Variants in DDX39B observed in about 807,000 individuals in gnomAD.
The protein encoded by DDX39B is spliceosome RNA helicase DDX39B.
In DDX39B, 6 loss-of-function variants were observed where a neutral mutation model predicts 46.4. The ratio of observed to expected loss-of-function variants is 0.13; its 90% CI spans 0.07 to 0.26. The LOEUF (loss-of-function observed/expected upper bound fraction) is 0.26. Ranked by LOEUF, DDX39B falls within the 10% of genes least tolerant of loss-of-function variation. The pLI is 1.00. For missense variants in DDX39B, 185 were observed against 553.4 expected (o/e 0.33, Z 6.68); for synonymous variants, 174 against 199.4 (o/e 0.87, Z 1.07).
intron 2 of DDX39B, 83 bp from the exon 3 acceptor site, chr6:31,539,357 T>C: frequency 1.3e-6 from 2 of 1,549,604 alleles, no homozygotes; most frequent in Non-Finnish European, 1.7e-6. Flanking sequence ...AGCCCATTTC[T>C]TACCACTCAA....
chr6:31,531,313 C>G lies in DDX39B; in HGVS notation c.960G>C (p.Gly320=). ...QNFPAIAIHR[G]MPQEERLSRY... ...CAGCTCACCTCTCCTCCTGGGGCAT[C>G]CCACGGTGGATGGCAATGGCTGGGA... The change falls in exon 8 of 11, where the codon GGG becomes GGC. Residue 320 remains glycine (G), a synonymous_variant. Coordinates refer to ENST00000396172, the MANE Select transcript of DDX39B (RefSeq NM_004640.7). This position sits in a 1 kb window ranked among gnomAD's most constrained non-coding sequence, Gnocchi z 5.8. 1 of 1,614,172 alleles carries G rather than the reference C, an allele frequency of 6.2e-7. No homozygotes were observed. The highest frequency in any genetic ancestry group is 1.1e-5 in the South Asian group (1 of 91,086).
Position 31,539,120 on chromosome 6 carries a change from CCTCCCCAGCACT to C in DDX39B, c.339+15_339+26del. On this transcript the variant is annotated intron_variant, in intron 3 of 10. Coordinates refer to ENST00000396172, the MANE Select transcript of DDX39B (RefSeq NM_004640.7). ...TCCCTTATAGTCCTAACCAAAATCC[CCTCCCCAGCACT>C]CTCCCCAAATATACCTGCCCAGTAA... 9 of 1,613,214 alleles carry C rather than the reference CCTCCCCAGCACT, an allele frequency of 5.6e-6. No individual in the cohort carries two copies. The highest frequency in any genetic ancestry group is 7.6e-6 in the Non-Finnish European group (9 of 1,179,976).
At position 31,536,615 on chromosome 6, in the gene DDX39B, A is replaced by G. The variant is rs1301259457; in HGVS notation, c.501T>C (p.His167=). The G allele has an allele frequency of 6.2e-7, 1 of 1,613,268 alleles. No individual in the cohort carries two copies. The highest frequency in any genetic ancestry group is 8.5e-7 in the Non-Finnish European group (1 of 1,180,030). The change falls in exon 5 of 11, where the codon CAT becomes CAC. Residue 167 remains histidine, a synonymous_variant. Coordinates refer to ENST00000396172, the MANE Select transcript of DDX39B (RefSeq NM_004640.7). ...TACGGCCTGGAGTCCCCACGACGAT[A>G]TGCGGGCAGTTCTTCTTCAGCACCT... ...DEEVLKKNCP[H]IVVGTPGRIL...
At position 31,530,784 on chromosome 6, in the gene DDX39B, G is replaced by A. The variant is rs749151547; in HGVS notation, c.1265C>T (p.Ser422Phe). The change falls in exon 10 of 11, where the codon TCC (serine) becomes TTC (phenylalanine). Residue 422 changes from serine to phenylalanine, a missense_variant. Around this residue, in one of 5 missense-constraint regions of DDX39B, gnomAD observed 22 missense variants for 52.3 expected, o/e 0.42. Coordinates refer to ENST00000396172, the MANE Select transcript of DDX39B (RefSeq NM_004640.7). This position sits in a 1 kb window ranked among gnomAD's most constrained non-coding sequence, Gnocchi z 4.5. ...TTCATGAGATCAGTACTCACTGTAG[G>A]AGGAGATGTCTATCTCATCAGGCAG... is the stretch of plus-strand genomic sequence containing the variant. ...SELPDEIDIS[S>F]YIEQTR is the part of the protein sequence containing the mutation. 1 of 1,612,254 alleles carries A rather than the reference G, an allele frequency of 6.2e-7. No individual in the cohort carries two copies. The highest frequency in any genetic ancestry group is 1.1e-5 in the South Asian group (1 of 91,072).
rs1767579621 is a variant in DDX39B, at chr6:31,534,664, A to G, written c.735+703T>C. The G allele has an allele frequency of 2.8e-6, 1 of 363,020 alleles. No homozygotes were observed. Among genetic ancestry groups the G allele is most frequent in the Non-Finnish European group, 5.4e-6 (1 of 185,708 alleles). The allele number at this position is 363,020 out of a possible 1,614,324, so 22.5% of individuals were successfully genotyped here. On this transcript the variant is annotated intron_variant, in intron 6 of 10. Coordinates refer to ENST00000396172, the MANE Select transcript of DDX39B (RefSeq NM_004640.7). This position sits in a 1 kb window ranked among gnomAD's most constrained non-coding sequence, Gnocchi z 5.1. ...GGAAAAAGAGGCTGGTTTGGTCCTC[A>G]GCTTCCTGGTCAGGTTTCCCCGCGG...
chr6:31,541,837 T>G, intron 1 of DDX39B, 113 bp downstream of exon 1: 1 of 645,976 alleles, frequency 1.5e-6, no homozygotes, highest in Non-Finnish European at 2.9e-6. Context: ...GCGAACCAAC[T>G]AGGCCCCAGC....
In DDX39B at chr6:31,530,797, T is replaced by A. The variant is rs1450155021; in HGVS notation, c.1252A>T (p.Ile418Leu). Residue 418 changes from isoleucine (I) to leucine (L), a missense_variant, in exon 10 of 11, where the codon ATA becomes TTA. By Grantham distance (5) the Ile-to-Leu change is conservative. Around this residue, in one of 5 missense-constraint regions of DDX39B, gnomAD observed 22 missense variants for 52.3 expected, o/e 0.42. Transcript: ENST00000396172. The surrounding 1 kb of genome is among the most constrained non-coding windows in gnomAD (Gnocchi z 4.5). Reference protein sequence around the residue: ...EVNISELPDEIDISSYIEQTR With the variant: ...EVNISELPDELDISSYIEQTR ...TACTCACTGTAGGAGGAGATGTCTATCTCATCAGGCAGCTCACTAATATTG... is the reference window on the plus strand; with the variant it reads ...TACTCACTGTAGGAGGAGATGTCTAACTCATCAGGCAGCTCACTAATATTG... The A allele has an allele frequency of 6.2e-7, 1 of 1,612,738 alleles. No individual in the cohort carries two copies. The highest frequency in any genetic ancestry group is 1.3e-5 in the African/African-American group (1 of 74,898).
At position 31,540,394 on chromosome 6, in the gene DDX39B, A is replaced by G; in HGVS notation, c.139T>C (p.Phe47Leu). Residue 47 changes from phenylalanine to leucine, a missense_variant, in exon 2 of 11, where the codon TTT (phenylalanine) becomes CTT (leucine). By Grantham distance (22) the Phe-to-Leu change is conservative. This residue lies in a region of DDX39B where 18 missense variants were observed against 120.1 expected (regional missense o/e 0.15). Coordinates refer to ENST00000396172, the MANE Select transcript of DDX39B (RefSeq NM_004640.7). ...GSYVSIHSSG[F>L]RDFLLKPELL... is the part of the protein sequence containing the mutation. ...TCTGGCTTGAGCAGGAAGTCACGAAAGCCAGAGCTGTGGATGGAGACATAG... is the reference window on the plus strand; with the variant it reads ...TCTGGCTTGAGCAGGAAGTCACGAAGGCCAGAGCTGTGGATGGAGACATAG... The G allele has an allele frequency of 6.2e-7, 1 of 1,614,240 alleles. No homozygotes were observed. The highest frequency in any genetic ancestry group is 8.5e-7 in the Non-Finnish European group (1 of 1,180,044).
In DDX39B at chr6:31,536,518, T is replaced by C. The variant is rs1171131572; in HGVS notation, c.598A>G (p.Lys200Glu). The C allele has an allele frequency of 6.2e-7, 1 of 1,613,292 alleles. No individual in the cohort carries two copies. The highest frequency in any genetic ancestry group is 2.2e-5 in the East Asian group (1 of 44,896). Reference sequence around the variant, plus strand: ...CACTCACCGAGCTGTTCAAGCATCTTATCACATTCATCCAAAATAAAGTGT... The same window carrying C: ...CACTCACCGAGCTGTTCAAGCATCTCATCACATTCATCCAAAATAAAGTGT... ...IKHFILDECDKMLEQLDMRRD... is the reference protein window; with the variant it reads ...IKHFILDECDEMLEQLDMRRD... The change falls in exon 5 of 11, where the codon AAG (lysine) becomes GAG (glutamate). Residue 200 changes from lysine (K) to glutamate (E), a missense_variant. Transcript: ENST00000396172.
rs1172575154 is a variant in DDX39B at position 31,530,383 on chromosome 6, G to A, written c.*51C>T. 4 of 1,610,122 alleles carry A rather than the reference G, an allele frequency of 2.5e-6. No individual in the cohort carries two copies. The highest frequency in any genetic ancestry group is 3.4e-6 in the Non-Finnish European group (4 of 1,178,164). On this transcript the variant is annotated 3_prime_UTR_variant, in exon 11 of 11. Coordinates refer to ENST00000396172, the MANE Select transcript of DDX39B (RefSeq NM_004640.7). The surrounding 1 kb of genome is among the most constrained non-coding windows in gnomAD (Gnocchi z 4.5). ...GTAGTGTCTCCTTCACCCCCACCCT[G>A]GTGTCCTCTCCTGAAGGACAGACGG... is the stretch of plus-strand genomic sequence containing the variant.
chr6:31,539,291 G>A lies in DDX39B; in HGVS notation c.212-17C>T, dbSNP rs1562423040. The A allele has an allele frequency of 3.7e-6, 6 of 1,606,602 alleles. No homozygotes were observed. Among genetic ancestry groups the A allele is most frequent in the East Asian group, 2.2e-5 (1 of 44,692 alleles). On this transcript the variant is annotated splice_polypyrimidine_tract_variant and intron_variant, in intron 2 of 10. Coordinates refer to ENST00000396172, the MANE Select transcript of DDX39B (RefSeq NM_004640.7). Reference sequence around the variant, plus strand: ...CATGCTGGACTAAAAGTTGGGGGGGGAGGAAGATAAATTAGACTTCAGTCT... The same window carrying A: ...CATGCTGGACTAAAAGTTGGGGGGGAAGGAAGATAAATTAGACTTCAGTCT...
intron 1 of DDX39B, chr6:31,541,096 T>C (rs769329226): frequency 1.1e-5 from 6 of 533,458 alleles, no homozygotes; most frequent in Non-Finnish European, 2.3e-5. Context: ...GATGCCTAAC[T>C]CAGCAGCCAT....
rs1045411887 is a variant in DDX39B, at chr6:31,535,982, C to T, written c.617-497G>A. On this transcript the variant is annotated intron_variant, in intron 5 of 10. Coordinates refer to ENST00000396172, the MANE Select transcript of DDX39B (RefSeq NM_004640.7). The surrounding 1 kb of genome is among the most constrained non-coding windows in gnomAD (Gnocchi z 4.6). The stretch of plus-strand genomic sequence containing the variant: ...ATGACTTATGGGGCCTATGTCCAAC[C>T]CCACTCTCATTCACCAAGATTCAAT... Among the ~76,000 whole-genome samples, 1 of 152,104 alleles carries T rather than the reference C, an allele frequency of 6.6e-6. No homozygotes were observed. Among genetic ancestry groups the T allele is most frequent in the African/African-American group, 2.4e-5 (1 of 41,402 alleles).
At chr6:31,540,717 A>C (rs1768316914) in intron 1 of DDX39B, 53 bp from the exon 2 acceptor site, 2 of 576,946 alleles carry the variant, frequency 3.5e-6, no homozygotes, top group Non-Finnish European at 6.1e-6. Flanking sequence ...AGCCTTCACC[A>C]CCTCTTTTCC....
At chr6:31,532,269 C>G (rs1205256164) in intron 7 of DDX39B, 1 of 153,882 alleles carries the variant, frequency 6.5e-6, no homozygotes, top group African/African-American at 2.4e-5. Context: ...GACAAGATCT[C>G]ACTCTGTTGC....
chr6:31,530,663 T>C lies in DDX39B; in HGVS notation c.1270+116A>G. Reference sequence around the variant, plus strand: ...ACACAGCATCAAAGACCAGGGGGCATGAACCAGTCAAGTGTCCATTATGCA... The same window carrying C: ...ACACAGCATCAAAGACCAGGGGGCACGAACCAGTCAAGTGTCCATTATGCA... On this transcript the variant is annotated intron_variant, in intron 10 of 10. Transcript: ENST00000396172. This position sits in a 1 kb window ranked among gnomAD's most constrained non-coding sequence, Gnocchi z 4.5. 3 of 1,436,138 alleles carry C rather than the reference T, an allele frequency of 2.1e-6. No individual in the cohort carries two copies. Among genetic ancestry groups the C allele is most frequent in the South Asian group, 2.5e-5 (2 of 79,250 alleles). The allele number at this position is 1,436,138 out of a possible 1,614,324, so 89.0% of individuals were successfully genotyped here. A position where few individuals can be genotyped will look rare whatever the true frequency, so the allele number is the denominator to read the frequency against.
Position 31,540,629 on chromosome 6 carries a change from C to G in DDX39B, c.-97G>C. 9.3e-7 allele frequency: 1 copy of G among 1,074,658 alleles called. No individual in the cohort carries two copies. Among genetic ancestry groups the G allele is most frequent in the Non-Finnish European group, 1.4e-6 (1 of 732,588 alleles). The allele number at this position is 1,074,658 out of a possible 1,614,324, so 66.6% of individuals were successfully genotyped here. On this transcript the variant is annotated 5_prime_UTR_variant, in exon 2 of 11. Coordinates refer to ENST00000396172, the MANE Select transcript of DDX39B (RefSeq NM_004640.7). ...TGAAGAGTAGGGGATTGAGGAACAG[C>G]AAAGGAAAACAAAGATACTATTTCT...
chr6:31,530,861 A>G lies in DDX39B; in HGVS notation c.1188T>C (p.Asp396=). 6.2e-7 allele frequency: 1 copy of G among 1,614,094 alleles called. No homozygotes were observed. The highest frequency in any genetic ancestry group is 8.5e-7 in the Non-Finnish European group (1 of 1,180,048). The change falls in exon 10 of 11, where the codon GAT becomes GAC. Residue 396 remains aspartate (D), a synonymous_variant. Transcript: ENST00000396172. This position sits in a 1 kb window ranked among gnomAD's most constrained non-coding sequence, Gnocchi z 4.5. ...LAITFVSDEN[D]AKILNDVQDR... ...CCTGCACATCATTGAGGATCTTGGC[A>G]TCATTCTCATCGGACACAAATGTGA...
chr6:31,536,299 A>G, intron 5 of DDX39B: 4 of 808,790 alleles, frequency 4.9e-6, no homozygotes, highest in Non-Finnish European at 8.4e-6. Context: ...GTTAAAAACA[A>G]AAATCATAGA....
Sources: gnomAD v4.1 joint callset for allele counts (sites outside exome capture counted in the v4.1 genomes callset) on GRCh38, gnomAD v4.1.1 for gene constraint, gnomAD v4.1.1 regional missense constraint, Gnocchi (gnomAD v3.1) non-coding constraint, MANE v1.5 for transcripts, NCBI Gene and HGNC (gene_info 2026-07-23, HGNC 2026-07-21) for gene names.